SHPK: variants seen among roughly 807,000 people sequenced by gnomAD.
The protein encoded by SHPK is sedoheptulokinase.
Under a neutral mutation model 46.3 loss-of-function variants are expected in SHPK, and 51 were observed. The ratio of observed to expected loss-of-function variants is 1.10; its 90% CI spans 0.88 to 1.39. The LOEUF is 1.39. Among genes scored for constraint, SHPK ranks in the 40% most tolerant of loss-of-function variants. SHPK has a pLI of 0.00. For missense variants in SHPK, 668 were observed against 641.3 expected (o/e 1.04, Z -0.45); for synonymous variants, 290 against 273.9 (o/e 1.06, Z -0.58).
intron 1 of SHPK, among the ~76,000 whole-genome samples, chr17:3,632,722 A>G (rs998370793): frequency 6.6e-6 from 1 of 152,136 alleles, no homozygotes; most frequent in South Asian, 2.1e-4. Context: ...ACTTGCACAC[A>G]GTACTTAGAA....
chr17:3,622,920 G>C (rs1284016035), intron 4 of SHPK, among the ~76,000 whole-genome samples: 1 of 152,028 alleles, frequency 6.6e-6, no homozygotes, highest in Non-Finnish European at 1.5e-5. Context: ...GCCCAGGCTG[G>C]TCTCGAACTC....
rs764748701 is a variant in SHPK, at chr17:3,624,093, G to C, written c.449C>G (p.Ala150Gly). The change falls in exon 3 of 7, where the codon GCC (alanine) becomes GGC (glycine). Residue 150 changes from alanine to glycine, a missense_variant. Coordinates refer to ENST00000225519, the MANE Select transcript of SHPK (RefSeq NM_013276.4). ...GATGGTTGCACAGCCGAAGCCCGTG[G>C]CCACACTGAGATGAGACTTCGGCTG... Reference protein sequence around the residue: ...LPQPKSHLSVATGFGCATIFW... With the variant: ...LPQPKSHLSVGTGFGCATIFW... 4 of 1,613,850 alleles carry C rather than the reference G, an allele frequency of 2.5e-6. No individual in the cohort carries two copies. In the East Asian group the frequency reaches 8.9e-5, roughly 36 times the overall value.
chr17:3,624,037 G>A lies in SHPK; in HGVS notation c.494+11C>T. On this transcript the variant is annotated intron_variant, in intron 3 of 6. Transcript: ENST00000225519. ...AACCCAGCACCCGAGTGAAAGTGCAGTTGCCCGTACCGATATTTCAAAAGC... is the reference window on the plus strand; with the variant it reads ...AACCCAGCACCCGAGTGAAAGTGCAATTGCCCGTACCGATATTTCAAAAGC... 3.1e-6 allele frequency: 5 copies of A among 1,591,280 alleles called. No individual in the cohort carries two copies. In the East Asian group the frequency reaches 9.0e-5, roughly 29 times the overall value.
At chr17:3,625,316 C>T (rs1273747209) in intron 2 of SHPK, among the ~76,000 whole-genome samples, 2 of 152,188 alleles carry the variant, frequency 1.3e-5, no homozygotes, top group East Asian at 1.9e-4. Context: ...ACCTTGGTGA[C>T]GTGCTTGACC....
At chr17:3,630,525 G>A (rs2075464550) in intron 1 of SHPK, among the ~76,000 whole-genome samples, 179 bp from the exon 2 acceptor site, 1 of 152,186 alleles carries the variant, frequency 6.6e-6, no homozygotes. Context: ...CTCCACTGGG[G>A]TCAGACTCAG....
chr17:3,612,565 G>A (rs2075346434), intron 6 of SHPK, among the ~76,000 whole-genome samples: 1 of 152,052 alleles, frequency 6.6e-6, no homozygotes, highest in South Asian at 2.1e-4. Context: ...TTTCTTGAGA[G>A]CACTGTGGGC....
At chr17:3,635,964 G>A in intron 1 of SHPK, 88 bp downstream of exon 1, 1 of 1,293,830 alleles carries the variant, frequency 7.7e-7, no homozygotes, top group East Asian at 2.7e-5. Flanking sequence ...ACTTCATTGC[G>A]GGAAGGGCTG....
At chr17:3,623,520 C>G (rs372971585) in intron 3 of SHPK, 29 bp from the exon 4 acceptor site, 1 of 1,611,900 alleles carries the variant, frequency 6.2e-7, no homozygotes, top group Admixed American at 1.7e-5. Flanking sequence ...ACAACCAACA[C>G]GGTATAACAT....
At chr17:3,633,461 A>G (rs2075485656) in intron 1 of SHPK, among the ~76,000 whole-genome samples, 1 of 151,644 alleles carries the variant, frequency 6.6e-6, no homozygotes, top group African/African-American at 2.4e-5. Flanking sequence ...CCCTCACACA[A>G]CAAAAACTAT....
intron 1 of SHPK, among the ~76,000 whole-genome samples, chr17:3,635,256 G>C (rs1033165038): frequency 9.2e-6 from 1 of 108,512 alleles, no homozygotes; most frequent in East Asian, 3.0e-4. Context: ...GGAAGGAAGG[G>C]AAGGAGTCTC....
At chr17:3,631,209 C>T (rs1181211420) in intron 1 of SHPK, among the ~76,000 whole-genome samples, 1 of 151,856 alleles carries the variant, frequency 6.6e-6, no homozygotes, top group East Asian at 1.9e-4. Context: ...GGAAGCAGCC[C>T]CAGAGCTCAA....
intron 5 of SHPK, among the ~76,000 whole-genome samples, chr17:3,616,071 C>T (rs915020069): frequency 1.3e-5 from 2 of 152,024 alleles, no homozygotes; most frequent in African/African-American, 4.8e-5. Context: ...CCAGGATGGT[C>T]TCGAACTCCT....
chr17:3,622,361 T>C (rs2075408178), intron 4 of SHPK, among the ~76,000 whole-genome samples: 1 of 152,120 alleles, frequency 6.6e-6, no homozygotes, highest in African/African-American at 2.4e-5. Context: ...CCTCCCATGT[T>C]TGAAGGGAGC....
At chr17:3,632,082 A>G (rs779188525) in intron 1 of SHPK, among the ~76,000 whole-genome samples, 8 of 150,722 alleles carry the variant, frequency 5.3e-5, no homozygotes, top group Admixed American at 4.0e-4. Context: ...TCAGCCTCCC[A>G]AGTACCTGGG....
intron 1 of SHPK, 62 bp downstream of exon 1, chr17:3,635,989 TG>T: frequency 6.9e-7 from 1 of 1,456,302 alleles, no homozygotes; most frequent in Non-Finnish European, 9.1e-7. Context: ...GGAGGCCTCC[TG>T]GGGTGGAAAA....
At position 3,623,330 on chromosome 17, in the gene SHPK, G is replaced by A. The variant is rs752642862; in HGVS notation, c.647+9C>T. 1.9e-6 allele frequency: 3 copies of A among 1,613,972 alleles called. No individual in the cohort carries two copies. The highest frequency in any genetic ancestry group is 8.5e-7 in the Non-Finnish European group (1 of 1,179,896). On this transcript the variant is annotated intron_variant, in intron 4 of 6. Coordinates refer to ENST00000225519, the MANE Select transcript of SHPK (RefSeq NM_013276.4). ...CAGGAGGAACAGCCTGCAAGGATGT[G>A]ATACTCACGTCTCTACGTTCCAGCT...
At position 3,621,398 on chromosome 17, in the gene SHPK, C is replaced by G; in HGVS notation, c.662G>C (p.Gly221Ala). 1 of 1,613,856 alleles carries G rather than the reference C, an allele frequency of 6.2e-7. No homozygotes were observed. Among genetic ancestry groups the G allele is most frequent in the Non-Finnish European group, 8.5e-7 (1 of 1,179,848 alleles). The change falls in exon 5 of 7, where the codon GGT becomes GCT. Residue 221 changes from glycine (G) to alanine (A), a missense_variant. By Grantham distance (60) the Gly-to-Ala change is moderately conservative. Coordinates refer to ENST00000225519, the MANE Select transcript of SHPK (RefSeq NM_013276.4). ...SWNVETLRSS[G>A]FPVHLLPDIA... ...GTCTGGGAGCAGGTGGACAGGAAAA[C>G]CCGAGCTCCTCAGTCTGTAAAACAG... is the stretch of plus-strand genomic sequence containing the variant.
In SHPK at chr17:3,636,206, G is replaced by A. The variant is rs138595855; in HGVS notation, c.14C>T (p.Pro5Leu). The change falls in exon 1 of 7, where the codon CCG (proline) becomes CTG (leucine). Residue 5 changes from proline (P) to leucine (L), a missense_variant. Pro to Leu is a moderately conservative substitution (Grantham distance 98). Coordinates refer to ENST00000225519, the MANE Select transcript of SHPK (RefSeq NM_013276.4). MAARPITLGIDLGTT... is the reference protein window; with the variant it reads MAARLITLGIDLGTT... ...GCCCAGGTCAATGCCGAGGGTGATC[G>A]GCCGCGCAGCCATTATCTCCCTGAC... The A allele has an allele frequency of 2.3e-5, 37 of 1,603,936 alleles. No homozygotes were observed. In the African/African-American group the frequency reaches 4.4e-4, roughly 19 times the overall value.
chr17:3,618,524 G>A (rs1014758327), intron 5 of SHPK, among the ~76,000 whole-genome samples: 1 of 152,136 alleles, frequency 6.6e-6, no homozygotes, highest in African/African-American at 2.4e-5. Context: ...GCTCACGCCT[G>A]TAATCCCAGC....
Sources: gnomAD v4.1 joint callset for allele counts (sites outside exome capture counted in the v4.1 genomes callset) on GRCh38, gnomAD v4.1.1 for gene constraint, MANE v1.5 for transcripts, NCBI Gene and HGNC (gene_info 2026-07-23, HGNC 2026-07-21) for gene names.